The following GRIP1 variants were observed in gnomAD, a reference collection of about 807,000 sequenced individuals.
GRIP1 encodes the protein glutamate receptor interacting protein 1.
A neutral mutation model predicts 129.9 loss-of-function variants in GRIP1; 45 were observed. The ratio of observed to expected loss-of-function variants is 0.35; its 90% CI spans 0.27 to 0.44. GRIP1 has a LOEUF of 0.44. GRIP1 is among the 20% of genes least tolerant of loss of function. GRIP1 has a pLI of 1.00. For missense variants in GRIP1, 1,196 were observed against 1,396.8 expected, an observed-to-expected ratio of 0.86 and a Z score of 2.29; for synonymous variants, 530 against 520.8, an observed-to-expected ratio of 1.02 and a Z score of -0.24.
chr12:66,601,239 T>G (rs1399175489), intron 1 of GRIP1, among the ~76,000 whole-genome samples: 1 of 152,170 alleles, frequency 6.6e-6, no homozygotes, highest in Non-Finnish European at 1.5e-5. Context: ...TTTGATCACA[T>G]GAAGCTGGTG....
chr12:66,562,215 C>T (rs1357037368), intron 2 of GRIP1, among the ~76,000 whole-genome samples: 1 of 152,148 alleles, frequency 6.6e-6, no homozygotes, highest in Non-Finnish European at 1.5e-5. Flanking sequence ...AAAGCACATG[C>T]ATGAAAAGAA....
At chr12:66,795,172 G>A (rs1009872792) in intron 1 of GRIP1, among the ~76,000 whole-genome samples, 3 of 152,136 alleles carry the variant, frequency 2.0e-5, no homozygotes, top group Admixed American at 6.6e-5. Flanking sequence ...GTATTAACCA[G>A]AGCTGTAATC....
chr12:66,695,247 T>G (rs2035115689), intron 1 of GRIP1, among the ~76,000 whole-genome samples: 1 of 150,662 alleles, frequency 6.6e-6, no homozygotes, highest in Non-Finnish European at 1.5e-5. Flanking sequence ...ACTCCTCAAC[T>G]GCTGACCCAG....
intron 1 of GRIP1, among the ~76,000 whole-genome samples, chr12:66,612,450 G>A (rs1197927550): frequency 6.6e-6 from 1 of 152,058 alleles, no homozygotes; most frequent in African/African-American, 2.4e-5. Context: ...CTTGAGCCCA[G>A]GAGTTCCAGA....
chr12:66,620,771 C>A (rs542542245), intron 1 of GRIP1, among the ~76,000 whole-genome samples: 24 of 151,838 alleles, frequency 1.6e-4, no homozygotes, highest in African/African-American at 5.1e-4. Flanking sequence ...CCACCCCTCA[C>A]CCCCCCAACC....
In GRIP1 at chr12:66,420,738, T is replaced by G; in HGVS notation, c.1820A>C (p.Lys607Thr). The G allele has an allele frequency of 6.3e-7, 1 of 1,577,868 alleles. No individual in the cohort carries two copies. Among genetic ancestry groups the G allele is most frequent in the South Asian group, 1.1e-5 (1 of 90,298 alleles). The change falls in exon 15 of 25, where the codon AAA becomes ACA. Residue 607 changes from lysine to threonine, a missense_variant. Lys to Thr is a moderately conservative substitution (Grantham distance 78). Transcript: ENST00000359742. ...TCCTTACCTGTGTGCCACACTCCCT[T>G]TCTTGATATCTGAAATGACGAGGGG... Reference protein sequence around the residue: ...GDPLVISDIKKGSVAHRTGTL... With the variant: ...GDPLVISDIKTGSVAHRTGTL...
chr12:66,415,851 T>A (rs2057580741), intron 15 of GRIP1, among the ~76,000 whole-genome samples: 1 of 152,070 alleles, frequency 6.6e-6, no homozygotes, highest in African/African-American at 2.4e-5. Flanking sequence ...TTGTCACTTA[T>A]AAGTGGGAGC....
At chr12:66,788,022 G>A (rs566638692) in intron 1 of GRIP1, among the ~76,000 whole-genome samples, 1 of 152,096 alleles carries the variant, frequency 6.6e-6, no homozygotes, top group Admixed American at 6.5e-5. Flanking sequence ...TTCCAGGGGT[G>A]GGGAAGTGAC....
At chr12:66,377,334 T>G in intron 20 of GRIP1, 49 bp from the exon 21 acceptor site, 1 of 1,246,798 alleles carries the variant, frequency 8.0e-7, no homozygotes. Flanking sequence ...AGACATTTTT[T>G]TTTTTTTTTT....
At chr12:66,912,671 A>G (rs74098144) in intron 1 of GRIP1, among the ~76,000 whole-genome samples, 235 of 152,300 alleles carry the variant, frequency 1.5e-3, no homozygotes, top group African/African-American at 5.1e-3. Flanking sequence ...GAAGACTGAA[A>G]AAATAATCCT....
intron 1 of GRIP1, among the ~76,000 whole-genome samples, chr12:66,663,740 C>T (rs1269974293): frequency 6.6e-6 from 1 of 152,296 alleles, no homozygotes; most frequent in African/African-American, 2.4e-5. Flanking sequence ...AACTCTAAAG[C>T]GTGTGTGTCT....
intron 1 of GRIP1, among the ~76,000 whole-genome samples, chr12:66,828,721 G>A (rs2137009771): frequency 6.6e-6 from 1 of 152,216 alleles, no homozygotes; most frequent in Non-Finnish European, 1.5e-5. Context: ...CCTTGGTCAG[G>A]CGAGGAGGCC....
At chr12:67,066,911 T>TATAC (rs1474197671) in intron 1 of GRIP1, among the ~76,000 whole-genome samples, 7,498 of 140,418 alleles carry the variant, frequency 0.053, 255 homozygotes, top group Non-Finnish European at 0.071. Context: ...TATATATATA[T>TATAC]ACACACACAC....
At chr12:66,632,147 A>G (rs2030860824) in intron 1 of GRIP1, among the ~76,000 whole-genome samples, 1 of 152,182 alleles carries the variant, frequency 6.6e-6, no homozygotes, top group Non-Finnish European at 1.5e-5. Flanking sequence ...TCTCAGAAGT[A>G]AGAAATGCAT....
intron 1 of GRIP1, among the ~76,000 whole-genome samples, chr12:66,621,211 CT>C (rs957670247): frequency 1.3e-5 from 2 of 151,908 alleles, no homozygotes; most frequent in Non-Finnish European, 2.9e-5. Context: ...ATCTTCAGAA[CT>C]TTTTTTTATC....
At chr12:66,956,057 G>A (rs1258951797) in intron 1 of GRIP1, among the ~76,000 whole-genome samples, 2 of 152,092 alleles carry the variant, frequency 1.3e-5, no homozygotes, top group Non-Finnish European at 1.5e-5. Flanking sequence ...CTCTAATATT[G>A]CCATTTTAAG....
intron 16 of GRIP1, among the ~76,000 whole-genome samples, chr12:66,396,167 G>C (rs923908700): frequency 6.6e-6 from 1 of 152,226 alleles, no homozygotes; most frequent in Non-Finnish European, 1.5e-5. Flanking sequence ...TTCAGTGGAG[G>C]TGTGTATGCC....
At chr12:67,020,208 A>G (rs2042844989) in intron 1 of GRIP1, among the ~76,000 whole-genome samples, 1 of 152,222 alleles carries the variant, frequency 6.6e-6, no homozygotes, top group South Asian at 2.1e-4. Context: ...GTGCAGAGAA[A>G]GTTTTGATTT....
intron 19 of GRIP1, among the ~76,000 whole-genome samples, chr12:66,380,026 C>G (rs1373011711): frequency 1.3e-5 from 2 of 152,170 alleles, no homozygotes; most frequent in African/African-American, 2.4e-5. Flanking sequence ...CTGCCTCAAC[C>G]TCCCAAGTAG....
Sources: allele counts gnomAD v4.1 joint callset (sites outside exome capture counted in the v4.1 genomes callset), GRCh38; gene constraint gnomAD v4.1.1; transcripts MANE v1.5; gene names NCBI Gene and HGNC (gene_info 2026-07-23, HGNC 2026-07-21).